The following PLCH2 variants were observed in gnomAD, a reference collection of about 807,000 sequenced individuals.
PLCH2 encodes 1-phosphatidylinositol 4,5-bisphosphate phosphodiesterase eta-2.
A neutral mutation model predicts 134.7 loss-of-function variants in PLCH2; 98 were observed. The ratio of observed to expected loss-of-function variants is 0.73; its 90% CI spans 0.62 to 0.86. PLCH2 has a LOEUF of 0.86. Ranked by LOEUF, PLCH2 falls within the 40% of genes least tolerant of loss-of-function variation. PLCH2 has a pLI of 0.00. For missense variants in PLCH2, 1,994 were observed against 1,986.6 expected, an observed-to-expected ratio of 1.00 and a Z score of -0.07; for synonymous variants, 974 against 827.5, an observed-to-expected ratio of 1.18 and a Z score of -3.04.
In PLCH2 at chr1:2,476,496, C is replaced by A; in HGVS notation, c.-93C>A. On this transcript the variant is annotated 5_prime_UTR_variant, in exon 1 of 22. In the 5' UTR this introduces an upstream ATG that the reference lacks. Transcript: ENST00000378486. ...GAGGAGAGAAGGCCCCACGGAGGTC[C>A]TGTCGCCAGCGCTGCCACTGCCTGA... is the stretch of plus-strand genomic sequence containing the variant. The A allele has an allele frequency of 8.0e-7, 1 of 1,252,242 alleles. No homozygotes were observed. The highest frequency in any genetic ancestry group is 1.1e-6 in the Non-Finnish European group (1 of 938,270). 77.6% of individuals were successfully genotyped at this position (1,252,242 alleles called of 1,614,324 possible). A position where few individuals can be genotyped will look rare whatever the true frequency, so the allele number is the denominator to read the frequency against.
At chr1:2,470,229 C>T (rs79868541) in intron 1 of PLCH2, among the ~76,000 whole-genome samples, 1,609 of 152,280 alleles carry the variant, frequency 0.011, 15 homozygotes, top group East Asian at 0.029. Context: ...GTGGAGGTTT[C>T]GGGCGGCCCA....
At chr1:2,478,175 A>AGCAGGGCCCTCAGTTCCCAGG (rs1471318842) in intron 1 of PLCH2, among the ~76,000 whole-genome samples, 11 of 152,208 alleles carry the variant, frequency 7.2e-5, no homozygotes, top group African/African-American at 2.4e-4. Context: ...CAGGTGGCCG[A>AGCAGGGCCCTCAGTTCCCAGG]GCAGGGTGGG....
chr1:2,424,044 G>A (rs1246473721), upstream of PLCH2, among the ~76,000 whole-genome samples: 4 of 152,038 alleles, frequency 2.6e-5, no homozygotes, highest in Non-Finnish European at 2.9e-5. Context: ...CTCTGTGCCC[G>A]GCCTGTTTAT....
At position 2,488,123 on chromosome 1, in the gene PLCH2, G is replaced by A. The variant is rs528893178; in HGVS notation, c.1235+405G>A. On this transcript the variant is annotated intron_variant, in intron 8 of 21. Coordinates refer to ENST00000378486, the MANE Select transcript of PLCH2 (RefSeq NM_014638.4). ...AGAAGACCGCCTCCCCGTGTGGTTT[G>A]AATTACCTTCAAGTCTTGGCTACAT... Among the ~76,000 whole-genome samples, 52 of 152,376 alleles carry A rather than the reference G, an allele frequency of 3.4e-4. 1 individual carries two copies. In the South Asian group the frequency reaches 8.5e-3, roughly 25 times the overall value.
intron 19 of PLCH2, 92 bp downstream of exon 19, chr1:2,499,322 G>A (rs1643081497): frequency 2.1e-6 from 3 of 1,436,014 alleles, no homozygotes; most frequent in Non-Finnish European, 2.9e-6. Context: ...TGCCTGTGTA[G>A]GTGGGCCTGC....
intron 2 of PLCH2, among the ~76,000 whole-genome samples, chr1:2,447,849 A>G (rs1640011682): frequency 6.6e-6 from 1 of 152,122 alleles, no homozygotes; most frequent in African/African-American, 2.4e-5. Flanking sequence ...CAGAGGATGT[A>G]TTCCCTGAGG....
In PLCH2 at chr1:2,502,463, C is replaced by T. The variant is rs959058912; in HGVS notation, c.2959+54C>T. ...GAGCCCTGTGCGAGTGCGGCCCCCG[C>T]GTGTCCTGGACGGCCCCGGGCCTGC... is the stretch of plus-strand genomic sequence containing the variant. On this transcript the variant is annotated intron_variant, in intron 21 of 21. Coordinates refer to ENST00000378486, the MANE Select transcript of PLCH2 (RefSeq NM_014638.4). 8 of 1,497,858 alleles carry T rather than the reference C, an allele frequency of 5.3e-6. No homozygotes were observed. The African/African-American group carries it at 6.9e-5, about 13-fold the overall frequency. 92.8% of individuals were successfully genotyped at this position (1,497,858 alleles called of 1,614,324 possible).
chr1:2,472,738 G>C (rs574848381), upstream of PLCH2, among the ~76,000 whole-genome samples: 47 of 152,308 alleles, frequency 3.1e-4, no homozygotes, highest in South Asian at 2.5e-3. Flanking sequence ...CGTCGGGAGA[G>C]GAGGGGGCTT....
chr1:2,458,386 A>C (rs1278348323), intron 2 of PLCH2, among the ~76,000 whole-genome samples: 1 of 152,174 alleles, frequency 6.6e-6, no homozygotes, highest in Non-Finnish European at 1.5e-5. Context: ...CTACAGCAGG[A>C]GCCCTCAGCC....
In PLCH2 at chr1:2,489,968, G is replaced by A. The variant is rs962340865; in HGVS notation, c.1515+101G>A. 14 of 871,412 alleles carry A rather than the reference G, an allele frequency of 1.6e-5. 1 individual carries two copies. Among genetic ancestry groups the A allele is most frequent in the East Asian group, 5.0e-5 (2 of 40,034 alleles). 54.0% of individuals were successfully genotyped at this position (871,412 alleles called of 1,614,324 possible). A position where few individuals can be genotyped will look rare whatever the true frequency, so the allele number is the denominator to read the frequency against. On this transcript the variant is annotated intron_variant, in intron 10 of 21. Coordinates refer to ENST00000378486, the MANE Select transcript of PLCH2 (RefSeq NM_014638.4). ...GGGCGAGTTAGAAAGGGAGGCATCC[G>A]GGAGAGAGGGACATTGGGGCAGATT... is the stretch of plus-strand genomic sequence containing the variant.
intron 2 of PLCH2, among the ~76,000 whole-genome samples, chr1:2,432,768 T>A (rs1301018001): frequency 1.3e-5 from 2 of 152,146 alleles, no homozygotes; most frequent in Non-Finnish European, 2.9e-5. Flanking sequence ...CGTGCAGGCT[T>A]GCCTGGACGG....
upstream of PLCH2, among the ~76,000 whole-genome samples, chr1:2,472,861 C>G (rs559863949): frequency 6.6e-6 from 1 of 152,118 alleles, no homozygotes; most frequent in African/African-American, 2.4e-5. Context: ...AGTCCCCATG[C>G]CCCTGTCGTG....
chr1:2,439,516 A>T lies in PLCH2; in HGVS notation c.115+8887A>T, dbSNP rs952589395. Among the ~76,000 whole-genome samples the T allele has an allele frequency of 3.9e-5, 6 of 152,196 alleles. No individual in the cohort carries two copies. The highest frequency in any genetic ancestry group is 2.0e-4 in the Admixed American group (3 of 15,288). Reference sequence around the variant, plus strand: ...GATGCTGGTGGAAAATGAAACACACACTTTCTAAATTTAGCTGCTGAGGAT... The same window carrying T: ...GATGCTGGTGGAAAATGAAACACACTCTTTCTAAATTTAGCTGCTGAGGAT... On this transcript the variant is annotated intron_variant, in intron 2 of 3. Transcript: ENST00000609981. The surrounding 1 kb of genome is among the most constrained non-coding windows in gnomAD (Gnocchi z 4.7).
chr1:2,479,572 C>T, intron 2 of PLCH2, 162 bp from the exon 3 acceptor site: 1 of 660,500 alleles, frequency 1.5e-6, no homozygotes, highest in Non-Finnish European at 2.6e-6. Context: ...TCTCGCAGAT[C>T]TTCACCCTTG....
At position 2,487,252 on chromosome 1, in the gene PLCH2, G is replaced by T; in HGVS notation, c.990G>T (p.Gln330His). ...ACCATGTGCACCAGGACATGACGCA[G>T]CCGCTGAGCCACTACTTCATCACCT... ...EHHHVHQDMTQPLSHYFITSS... is the reference protein window; with the variant it reads ...EHHHVHQDMTHPLSHYFITSS... Residue 330 changes from glutamine to histidine, a missense_variant, in exon 7 of 22, where the codon CAG (glutamine) becomes CAT (histidine). By Grantham distance (24) the Gln-to-His change is conservative. This residue lies in a region of PLCH2 where 1,094 missense variants were observed against 1,234.3 expected (regional missense o/e 0.89). Transcript: ENST00000378486. 1 of 1,612,236 alleles carries T rather than the reference G, an allele frequency of 6.2e-7. No homozygotes were observed. Among genetic ancestry groups the T allele is most frequent in the Non-Finnish European group, 8.5e-7 (1 of 1,179,252 alleles).
Position 2,505,129 on chromosome 1 carries a change from C to T in PLCH2, c.4167C>T (p.Gly1389=). Residue 1389 remains glycine (G), a synonymous_variant, in exon 22 of 22, where the codon GGC becomes GGT. Transcript: ENST00000378486. The part of the protein sequence containing the change: ...PEGACSVGHE[G]SVDAPAPSKG... ...GCGCCTGCTCCGTGGGCCACGAGGG[C>T]AGTGTGGATGCACCAGCACCCTCCA... 6.4e-7 allele frequency: 1 copy of T among 1,554,450 alleles called. No individual in the cohort carries two copies. Among genetic ancestry groups the T allele is most frequent in the Non-Finnish European group, 8.6e-7 (1 of 1,159,316 alleles).
chr1:2,460,009 C>T (rs896007598), intron 2 of PLCH2, among the ~76,000 whole-genome samples: 1 of 152,260 alleles, frequency 6.6e-6, no homozygotes, highest in Admixed American at 6.5e-5. Flanking sequence ...GCACCCTGAG[C>T]TGGGACCTGG....
chr1:2,416,017 G>A, the PLCH2 span, among the ~76,000 whole-genome samples: 21 of 152,206 alleles, frequency 1.4e-4, no homozygotes, highest in Non-Finnish European at 1.8e-4. Flanking sequence ...CCCACGGTTC[G>A]TATCCCCATC....
At chr1:2,483,764 T>TTG (rs1642104900) in intron 4 of PLCH2, among the ~76,000 whole-genome samples, 1 of 32,584 alleles carries the variant, frequency 3.1e-5, no homozygotes, top group African/African-American at 1.0e-4. Context: ...GACCCCCGTT[T>TTG]GGGGGGGCGC....
Sources: gnomAD v4.1 joint callset for allele counts (sites outside exome capture counted in the v4.1 genomes callset) on GRCh38, gnomAD v4.1.1 for gene constraint, gnomAD v4.1.1 regional missense constraint, Gnocchi (gnomAD v3.1) non-coding constraint, MANE v1.5 for transcripts, NCBI Gene and HGNC (gene_info 2026-07-23, HGNC 2026-07-21) for gene names.